The following ACSM3 variants were observed in gnomAD, a reference collection of about 807,000 sequenced individuals.
ACSM3 encodes the protein acyl-CoA synthetase medium chain family member 3, also known as acyl-coenzyme A synthetase ACSM3, mitochondrial.
In ACSM3, 61 loss-of-function variants were observed where a neutral mutation model predicts 74.1. The observed-to-expected ratio is 0.82, with a 90% CI of 0.67 to 1.02. The LOEUF (loss-of-function observed/expected upper bound fraction) is 1.02. ACSM3 is among the 50% of genes least tolerant of loss of function. ACSM3 has a pLI of 0.00. For synonymous variants in ACSM3, 213 were observed against 241.5 expected, an observed-to-expected ratio of 0.88 and a Z score of 1.09; for missense variants, 660 against 697.0, an observed-to-expected ratio of 0.95 and a Z score of 0.60.
At chr16:20,730,497 A>G (rs1481587926) in intron 1 of ACSM3, among the ~76,000 whole-genome samples, 1 of 152,120 alleles carries the variant, frequency 6.6e-6, no homozygotes, top group East Asian at 1.9e-4. Flanking sequence ...CAAAATTTCA[A>G]AAGTTTGTCT....
intron 1 of ACSM3, among the ~76,000 whole-genome samples, chr16:20,745,952 C>T (rs2079956069): frequency 6.6e-6 from 1 of 152,200 alleles, no homozygotes; most frequent in Admixed American, 6.5e-5. Flanking sequence ...CTGTGAATCC[C>T]AGTCTCCTTC....
At chr16:20,692,921 A>G (rs2079667658) in intron 1 of ACSM3, among the ~76,000 whole-genome samples, 1 of 152,118 alleles carries the variant, frequency 6.6e-6, no homozygotes, top group Non-Finnish European at 1.5e-5. Context: ...CTATAATCCC[A>G]GCCCTTTGGG....
intron 2 of ACSM3, among the ~76,000 whole-genome samples, chr16:20,753,189 G>A (rs1236683789): frequency 6.6e-6 from 1 of 151,924 alleles, no homozygotes; most frequent in Non-Finnish European, 1.5e-5. Context: ...GGCTGGCTGG[G>A]TGGGGTGGCT....
rs1429928428 is a variant in ACSM3 at position 20,776,576 on chromosome 16, A to G, written c.430+527A>G. ...TTTGAGAGTCCATTTATCCTTTGAGAAAATAATACCCAAAGCTTACTGAGC... is the reference window on the plus strand; with the variant it reads ...TTTGAGAGTCCATTTATCCTTTGAGGAAATAATACCCAAAGCTTACTGAGC... On this transcript the variant is annotated intron_variant, in intron 3 of 13. Transcript: ENST00000289416. Among the ~76,000 whole-genome samples, 3 of 152,220 alleles carry G rather than the reference A, an allele frequency of 2.0e-5. No homozygotes were observed. The East Asian group carries it at 5.8e-4, about 29-fold the overall frequency.
At chr16:20,715,763 A>G (rs2079759557) in intron 1 of ACSM3, among the ~76,000 whole-genome samples, 1 of 152,200 alleles carries the variant, frequency 6.6e-6, no homozygotes, top group Non-Finnish European at 1.5e-5. Context: ...AAATCCTTAG[A>G]TATTGTATCA....
At chr16:20,708,661 G>A (rs1349944917) in intron 1 of ACSM3, among the ~76,000 whole-genome samples, 1 of 152,164 alleles carries the variant, frequency 6.6e-6, no homozygotes, top group African/African-American at 2.4e-5. Context: ...TGGATTGAAA[G>A]AATTAATATT....
intron 1 of ACSM3, among the ~76,000 whole-genome samples, chr16:20,694,383 A>G (rs113298888): frequency 0.013 from 1,996 of 152,360 alleles, 29 homozygotes; most frequent in Non-Finnish European, 0.019. Context: ...TTAAATTTAC[A>G]TTCAAGTCCT....
chr16:20,744,573 T>C (rs528144150), intron 1 of ACSM3, among the ~76,000 whole-genome samples: 26 of 152,248 alleles, frequency 1.7e-4, no homozygotes, highest in Non-Finnish European at 2.9e-4. Context: ...TTAGTAGATA[T>C]GGGGTTTCAC....
intron 1 of ACSM3, among the ~76,000 whole-genome samples, chr16:20,727,873 C>T (rs771610792): frequency 8.5e-5 from 13 of 152,292 alleles, no homozygotes; most frequent in Non-Finnish European, 1.9e-4. Context: ...ACATCAGCAT[C>T]ATCTGGGAAT....
At chr16:20,682,502 T>C in intron 1 of ACSM3, 1 of 1,549,572 alleles carries the variant, frequency 6.5e-7, no homozygotes, top group Non-Finnish European at 8.9e-7. Flanking sequence ...TGGTTTCTTT[T>C]TCACAACCAT....
At chr16:20,685,184 A>C (rs906549091) in intron 1 of ACSM3, 1 of 1,614,166 alleles carries the variant, frequency 6.2e-7, no homozygotes, top group Non-Finnish European at 8.5e-7. Flanking sequence ...TCCCTCTTGC[A>C]TCACTGACCT....
chr16:20,721,136 G>A (rs1420646867), intron 1 of ACSM3: 1 of 152,264 alleles, frequency 6.6e-6, no homozygotes, highest in Non-Finnish European at 1.5e-5. Flanking sequence ...GTGAGGAAAG[G>A]TATACCTGTA....
intron 6 of ACSM3, 47 bp from the exon 7 acceptor site, chr16:20,781,661 T>TA (rs765787575): frequency 6.5e-6 from 9 of 1,386,950 alleles, no homozygotes; most frequent in Admixed American, 1.7e-5. Flanking sequence ...TTTAAGCACT[T>TA]ATTTAAGTTG....
intron 9 of ACSM3, among the ~76,000 whole-genome samples, chr16:20,788,802 C>A (rs1461275253): frequency 6.6e-6 from 1 of 152,156 alleles, no homozygotes; most frequent in Non-Finnish European, 1.5e-5. Flanking sequence ...AAAATACTTC[C>A]TTTCCATCAA....
intron 1 of ACSM3, chr16:20,737,713 A>C: frequency 6.2e-7 from 1 of 1,605,662 alleles, no homozygotes; most frequent in Admixed American, 1.7e-5. Flanking sequence ...CATACCTGCC[A>C]ATTCTCTGAT....
At chr16:20,715,097 G>A (rs2079756926) in intron 1 of ACSM3, among the ~76,000 whole-genome samples, 1 of 152,190 alleles carries the variant, frequency 6.6e-6, no homozygotes, top group South Asian at 2.1e-4. Context: ...ATACTGGATT[G>A]AGAAGTATTT....
chr16:20,775,026 T>C lies in ACSM3; in HGVS notation c.220-813T>C, dbSNP rs183754295. ...CCTTATGTCCTGGGGCAGCCTCTCT[T>C]GATGTGCTGGACTCCCTGTTACCTG... On this transcript the variant is annotated intron_variant, in intron 2 of 13. Coordinates refer to ENST00000289416, the MANE Select transcript of ACSM3 (RefSeq NM_005622.4). 4.6e-3 allele frequency among the ~76,000 whole-genome samples: 693 copies of C among 152,228 alleles called. 5 individuals carry two copies. The highest frequency in any genetic ancestry group is 0.015 in the African/African-American group (642 of 41,550).
chr16:20,783,496 T>G (rs1421747855), intron 7 of ACSM3: 1 of 152,216 alleles, frequency 6.6e-6, no homozygotes, highest in Non-Finnish European at 1.5e-5. Context: ...ATGTTGGTAC[T>G]AAAAAAGTTT....
In ACSM3 at chr16:20,743,088, G is replaced by A. The variant is rs372806138; in HGVS notation, c.-189-6822G>A. ...CGAGTAGCTGGGACTACAGGCGCCC[G>A]CCACCACGCCCGGCTAATATTTTTT... is the stretch of plus-strand genomic sequence containing the variant. On this transcript the variant is annotated intron_variant, in intron 1 of 3. Transcript: ENST00000561584. Among the ~76,000 whole-genome samples, 32 of 151,550 alleles carry A rather than the reference G, an allele frequency of 2.1e-4. No homozygotes were observed. The East Asian group carries it at 5.3e-3, about 25-fold the overall frequency.
Sources: gnomAD v4.1 joint callset for allele counts (sites outside exome capture counted in the v4.1 genomes callset) on GRCh38, gnomAD v4.1.1 for gene constraint, MANE v1.5 for transcripts, NCBI Gene and HGNC (gene_info 2026-07-23, HGNC 2026-07-21) for gene names.